The following ARID1B variants were observed in gnomAD, a reference collection of about 807,000 sequenced individuals.
ARID1B encodes AT-rich interactive domain-containing protein 1B.
Under a neutral mutation model 212.3 loss-of-function variants are expected in ARID1B, and 30 were observed. The ratio of observed to expected loss-of-function variants is 0.14; its 90% CI spans 0.11 to 0.19. The LOEUF (loss-of-function observed/expected upper bound fraction) is 0.19. Ranked by LOEUF, ARID1B falls within the 10% of genes least tolerant of loss-of-function variation. ARID1B has a pLI of 1.00. For synonymous variants in ARID1B, 1,402 were observed against 1,301.7 expected, an observed-to-expected ratio of 1.08 and a Z score of -1.66; for missense variants, 2,891 against 3,204.0, an observed-to-expected ratio of 0.90 and a Z score of 2.36.
In ARID1B at chr6:157,207,426, T is replaced by C. The variant is rs1420136976; in HGVS notation, c.6654T>C (p.Asn2218=). 3 of 1,614,070 alleles carry C rather than the reference T, an allele frequency of 1.9e-6. No homozygotes were observed. The highest frequency in any genetic ancestry group is 2.5e-6 in the Non-Finnish European group (3 of 1,180,038). Reference sequence around the variant, plus strand: ...GTAAACTCAGTATCCAGGACAATAATGTGGACCTGATCTTGGCCACTCCTC... The same window carrying C: ...GTAAACTCAGTATCCAGGACAATAACGTGGACCTGATCTTGGCCACTCCTC... The part of the protein sequence containing the change: ...TLCKLSIQDN[N]VDLILATPPF... The change falls in exon 20 of 20, where the codon AAT becomes AAC. Residue 2218 remains asparagine, a synonymous_variant. Coordinates refer to ENST00000636930, the MANE Select transcript of ARID1B (RefSeq NM_001374828.1). This position sits in a 1 kb window ranked among gnomAD's most constrained non-coding sequence, Gnocchi z 8.5.
At chr6:157,021,148 A>C (rs1780219029) in intron 4 of ARID1B, among the ~76,000 whole-genome samples, 2 of 152,018 alleles carry the variant, frequency 1.3e-5, no homozygotes, top group South Asian at 4.1e-4. Context: ...GGTGTGAAGG[A>C]CGCAGGACCG....
intron 2 of ARID1B, among the ~76,000 whole-genome samples, chr6:156,858,065 C>T (rs1785072614): frequency 6.6e-6 from 1 of 152,118 alleles, no homozygotes; most frequent in African/African-American, 2.4e-5. Flanking sequence ...GAAATCCTGT[C>T]ATTTCGAACA....
chr6:157,203,906 A>G lies in ARID1B; in HGVS notation c.5304A>G (p.Ser1768=), dbSNP rs772566253. Residue 1768 remains serine, a synonymous_variant, in exon 19 of 20, where the codon TCA becomes TCG. Transcript: ENST00000636930. The surrounding 1 kb of genome is among the most constrained non-coding windows in gnomAD (Gnocchi z 4.4). ...GGCGTGTGATGATGTCCCTTAAATC[A>G]GGTCTTTTGGCTGAGAGTACGTGGG... ...EAWRVMMSLK[S]GLLAESTWAL... is the part of the protein sequence containing the mutation. 1.2e-6 allele frequency: 2 copies of G among 1,614,004 alleles called. No individual in the cohort carries two copies. The highest frequency in any genetic ancestry group is 1.7e-6 in the Non-Finnish European group (2 of 1,179,988).
intron 8 of ARID1B, among the ~76,000 whole-genome samples, chr6:157,155,492 A>G (rs1038828347): frequency 6.6e-6 from 1 of 151,886 alleles, no homozygotes; most frequent in African/African-American, 2.4e-5. Flanking sequence ...AAAAAAAAAA[A>G]GGGTAAAATG....
chr6:157,026,097 G>A (rs1443948161), intron 4 of ARID1B, among the ~76,000 whole-genome samples: 3 of 152,136 alleles, frequency 2.0e-5, no homozygotes, highest in African/African-American at 7.2e-5. Context: ...GCTAATTTTT[G>A]TATTTGTAGT....
intron 2 of ARID1B, among the ~76,000 whole-genome samples, chr6:156,848,530 C>T (rs1343062475): frequency 6.6e-6 from 1 of 152,234 alleles, no homozygotes; most frequent in African/African-American, 2.4e-5. Context: ...TTAATGTCTT[C>T]ATCACGATTA....
intron 4 of ARID1B, among the ~76,000 whole-genome samples, chr6:156,956,383 T>C (rs1337546585): frequency 4.6e-5 from 7 of 152,198 alleles, no homozygotes; most frequent in Non-Finnish European, 8.8e-5. Flanking sequence ...AAATGAAAAT[T>C]TGGCAATAAG....
intron 2 of ARID1B, among the ~76,000 whole-genome samples, chr6:156,854,648 G>T (rs1420576966): frequency 6.6e-6 from 1 of 152,226 alleles, no homozygotes; most frequent in Non-Finnish European, 1.5e-5. Context: ...AAACCGTCGC[G>T]GTGTGCCCCC....
intron 6 of ARID1B, among the ~76,000 whole-genome samples, chr6:157,120,315 C>T (rs1049238235): frequency 9.2e-5 from 14 of 152,086 alleles, no homozygotes; most frequent in Non-Finnish European, 1.5e-4. Flanking sequence ...CAGTCAGTAG[C>T]GGAAAGGAGT....
chr6:156,928,253 G>A (rs1003421682), intron 3 of ARID1B, among the ~76,000 whole-genome samples: 1 of 152,204 alleles, frequency 6.6e-6, no homozygotes, highest in African/African-American at 2.4e-5. Context: ...CTGAGCACTT[G>A]TATTTGAGGA....
chr6:157,169,906 C>T (rs1562320126), intron 9 of ARID1B: 1 of 152,180 alleles, frequency 6.6e-6, no homozygotes. Flanking sequence ...AGAAGTGAGT[C>T]CTTCTGCTAA....
intron 3 of ARID1B, among the ~76,000 whole-genome samples, chr6:156,925,620 A>G (rs1791153686): frequency 6.6e-6 from 1 of 152,230 alleles, no homozygotes. Flanking sequence ...TTAATAATAT[A>G]TATAGTTTAT....
At chr6:157,126,937 A>G (rs542239336) in intron 6 of ARID1B, among the ~76,000 whole-genome samples, 3 of 152,240 alleles carry the variant, frequency 2.0e-5, no homozygotes, top group Non-Finnish European at 4.4e-5. Flanking sequence ...CTGTTACAAG[A>G]CACCATCTTA....
chr6:157,048,655 T>G (rs957547943), intron 4 of ARID1B, among the ~76,000 whole-genome samples: 5 of 152,250 alleles, frequency 3.3e-5, no homozygotes, highest in African/African-American at 1.2e-4. Context: ...TTGAAAATAT[T>G]ACAAGTTCTA....
chr6:157,061,643 G>T (rs772557249), intron 4 of ARID1B, among the ~76,000 whole-genome samples: 1 of 151,496 alleles, frequency 6.6e-6, no homozygotes, highest in Non-Finnish European at 1.5e-5. Context: ...TTTAGTATAA[G>T]TCCAAATATT....
At chr6:157,046,764 T>C (rs1436129471) in intron 4 of ARID1B, among the ~76,000 whole-genome samples, 1 of 152,234 alleles carries the variant, frequency 6.6e-6, no homozygotes, top group Non-Finnish European at 1.5e-5. Flanking sequence ...GAAATTTTAT[T>C]TTCTGCCACC....
rs140788307 is a variant in ARID1B at position 156,914,496 on chromosome 6, A to T, written c.2136+12971A>T. 2.0e-3 allele frequency among the ~76,000 whole-genome samples: 305 copies of T among 151,876 alleles called. 1 individual carries two copies. The highest frequency in any genetic ancestry group is 6.5e-3 in the African/African-American group (268 of 41,376). On this transcript the variant is annotated intron_variant, in intron 3 of 19. Coordinates refer to ENST00000636930, the MANE Select transcript of ARID1B (RefSeq NM_001374828.1). ...GCCGCTCCTTGCCTTTCCTTGCTAG[A>T]TTTTCTTTATCTTTCTGGCCTCCAA...
intron 4 of ARID1B, among the ~76,000 whole-genome samples, chr6:156,999,840 C>A (rs1030470451): frequency 3.3e-5 from 5 of 152,180 alleles, no homozygotes; most frequent in African/African-American, 1.2e-4. Flanking sequence ...GCCTAAACAC[C>A]CATTTCTAAT....
intron 4 of ARID1B, chr6:157,036,558 T>G: frequency 3.4e-6 from 1 of 294,072 alleles, no homozygotes; most frequent in South Asian, 3.3e-5. Context: ...CTGGATTGTT[T>G]TTGAGGAACT....
Sources: gnomAD v4.1 joint callset for allele counts (sites outside exome capture counted in the v4.1 genomes callset) on GRCh38, gnomAD v4.1.1 for gene constraint, Gnocchi (gnomAD v3.1) non-coding constraint, MANE v1.5 for transcripts, NCBI Gene and HGNC (gene_info 2026-07-23, HGNC 2026-07-21) for gene names.